MYO19: variants seen among roughly 807,000 people sequenced by gnomAD.
MYO19 encodes unconventional myosin-XIX.
MYO19 carries 132 observed loss-of-function variants against 129.2 expected under a neutral mutation model. That is an observed-to-expected ratio of 1.02 (90% CI 0.89 to 1.18). The LOEUF (loss-of-function observed/expected upper bound fraction) is 1.18. Ranked by LOEUF, MYO19 falls within the 50% of genes most tolerant of loss-of-function variation. The pLI, the probability that MYO19 is intolerant of heterozygous loss-of-function variation, is 0.00. For missense variants in MYO19, 1,210 were observed against 1,216.7 expected (o/e 0.99, Z 0.08); for synonymous variants, 531 against 477.2 (o/e 1.11, Z -1.47).
intron 12 of MYO19, 43 bp downstream of exon 12, chr17:36,511,322 C>A (rs1478429676): frequency 6.5e-7 from 1 of 1,547,488 alleles, no homozygotes; most frequent in African/African-American, 1.4e-5. Context: ...ATGCTGGCTA[C>A]CTTCCTGACA....
Position 36,505,350 on chromosome 17 carries a change from G to A in MYO19, c.1852C>T (p.Arg618Cys), listed in dbSNP as rs764201277. 69 of 1,614,108 alleles carry A rather than the reference G, an allele frequency of 4.3e-5. No individual in the cohort carries two copies. The highest frequency in any genetic ancestry group is 1.6e-4 in the Middle Eastern group (1 of 6,084). Residue 618 changes from arginine to cysteine, a missense_variant, in exon 19 of 26, where the codon CGC (arginine) becomes TGC (cysteine). Transcript: ENST00000614623. ...VLHSTTPHYI[R>C]CIKPNSQGQA... ...CCCTGGCTGTTGGGCTTGATGCAGCGAATGTAGTGGGGCGTGGTGCTGTGT... is the reference window on the plus strand; with the variant it reads ...CCCTGGCTGTTGGGCTTGATGCAGCAAATGTAGTGGGGCGTGGTGCTGTGT...
At position 36,527,657 on chromosome 17, in the gene MYO19, T is replaced by C. The variant is rs747607331; in HGVS notation, c.194A>G (p.Tyr65Cys). Residue 65 changes from tyrosine to cysteine, a missense_variant, in exon 5 of 26, where the codon TAC (tyrosine) becomes TGC (cysteine). Transcript: ENST00000614623. ...LQARYMADTF[Y>C]TNAGCTLVAL... The stretch of plus-strand genomic sequence containing the variant: ...TACCAGGGTGCAGCCAGCATTGGTG[T>C]AGAATGTGTCTGCCATGTACCGGGC... 5 of 1,613,806 alleles carry C rather than the reference T, an allele frequency of 3.1e-6. No homozygotes were observed. Among genetic ancestry groups the C allele is most frequent in the Non-Finnish European group, 4.2e-6 (5 of 1,179,860 alleles).
At chr17:36,528,266 T>C in intron 3 of MYO19, 64 bp from the exon 4 acceptor site, 2 of 1,508,718 alleles carry the variant, frequency 1.3e-6, no homozygotes, top group Non-Finnish European at 9.0e-7. Context: ...CCCAGCACTC[T>C]GGGAGGCCAA....
At chr17:36,537,155 C>A (rs529378174), upstream of MYO19, 5 of 1,612,970 alleles carry the variant, frequency 3.1e-6, no homozygotes, top group African/African-American at 6.7e-5. Context: ...ATGGAACCAC[C>A]GTGCTGGAAA....
At chr17:36,503,004 G>A in intron 21 of MYO19, 93 bp downstream of exon 21, 1 of 1,054,604 alleles carries the variant, frequency 9.5e-7, no homozygotes, top group Non-Finnish European at 1.4e-6. Flanking sequence ...TTATTCACCA[G>A]TAAGCCCCAG....
intron 7 of MYO19, among the ~76,000 whole-genome samples, chr17:36,515,597 G>A (rs936715448): frequency 6.6e-5 from 10 of 152,170 alleles, no homozygotes; most frequent in South Asian, 2.1e-4. Context: ...GAATTTGGAC[G>A]AGCTAAGCCA....
chr17:36,516,010 G>C lies in MYO19; in HGVS notation c.415-20C>G. 1 of 1,599,748 alleles carries C rather than the reference G, an allele frequency of 6.3e-7. No individual in the cohort carries two copies. The highest frequency in any genetic ancestry group is 1.1e-5 in the South Asian group (1 of 90,222). On this transcript the variant is annotated intron_variant, in intron 6 of 25. Coordinates refer to ENST00000614623, the MANE Select transcript of MYO19 (RefSeq NM_001163735.2). ...CCATGTCTGTGGCAGAAACAGCCCTGTGGGAGCTGTATCTATGCTCCCGCC... is the reference window on the plus strand; with the variant it reads ...CCATGTCTGTGGCAGAAACAGCCCTCTGGGAGCTGTATCTATGCTCCCGCC...
chr17:36,514,571 C>G, intron 8 of MYO19, 23 bp from the exon 9 acceptor site: 1 of 1,496,448 alleles, frequency 6.7e-7, no homozygotes, highest in Non-Finnish European at 9.3e-7. Context: ...CAGGCCAGAG[C>G]CCGTTAGTTG....
At chr17:36,507,271 T>C (rs8081787) in intron 16 of MYO19, 128 bp downstream of exon 16, 59,010 of 1,407,700 alleles carry the variant, frequency 0.042, 1,948 homozygotes, top group African/African-American at 0.16. Flanking sequence ...AGAAAAAATA[T>C]AGCAATTAGC....
chr17:36,500,718 T>C, intron 23 of MYO19, 112 bp downstream of exon 23: 1 of 1,414,336 alleles, frequency 7.1e-7, no homozygotes, highest in Non-Finnish European at 9.4e-7. Context: ...GGGACATCTC[T>C]TCAGGCTGGG....
intron 25 of MYO19, among the ~76,000 whole-genome samples, chr17:36,497,067 C>T (rs1166531985): frequency 1.3e-5 from 2 of 152,040 alleles, no homozygotes; most frequent in Admixed American, 6.6e-5. Context: ...CGGTGGCTCA[C>T]ACCTGTAATC....
At chr17:36,543,974 A>C (rs939225001), upstream of MYO19, among the ~76,000 whole-genome samples, 5 of 152,330 alleles carry the variant, frequency 3.3e-5, no homozygotes, top group East Asian at 7.7e-4. Context: ...ATAGAGCAGT[A>C]AATTGATCTG....
At chr17:36,505,877 G>T (rs1039945376) in intron 18 of MYO19, among the ~76,000 whole-genome samples, 23 of 152,296 alleles carry the variant, frequency 1.5e-4, no homozygotes, top group African/African-American at 5.3e-4. Context: ...TCGGGGGTGT[G>T]TTTGAGGCTG....
At chr17:36,539,206 C>T (rs1035464669), upstream of MYO19, 1 of 166,998 alleles carries the variant, frequency 6.0e-6, no homozygotes, top group African/African-American at 2.4e-5. Flanking sequence ...TTTTTACTTT[C>T]CATCTTAATG....
At chr17:36,517,872 T>A (rs1006007374) in intron 6 of MYO19, among the ~76,000 whole-genome samples, 2 of 151,846 alleles carry the variant, frequency 1.3e-5, no homozygotes, top group African/African-American at 4.8e-5. Flanking sequence ...GTGGATTGCC[T>A]GAGTTCAGCA....
In MYO19 at chr17:36,514,431, C is replaced by G. The variant is rs1297882828; in HGVS notation, c.720+15G>C. 6.4e-7 allele frequency: 1 copy of G among 1,571,214 alleles called. No individual in the cohort carries two copies. Among genetic ancestry groups the G allele is most frequent in the African/African-American group, 1.4e-5 (1 of 74,016 alleles). On this transcript the variant is annotated intron_variant, in intron 9 of 25. Coordinates refer to ENST00000614623, the MANE Select transcript of MYO19 (RefSeq NM_001163735.2). ...GTCTCGCATCTGGGGGGCTGTGGCC[C>G]CATTTGGCACAAACCTGATAGAAGA...
intron 15 of MYO19, 139 bp from the exon 16 acceptor site, chr17:36,507,651 GTACTCC>G: frequency 7.9e-7 from 1 of 1,258,270 alleles, no homozygotes; most frequent in Non-Finnish European, 1.1e-6. Flanking sequence ...ACATTACATT[GTACTCC>G]ATATGTGCAA....
At position 36,515,878 on chromosome 17, in the gene MYO19, T is replaced by C. The variant is rs2306595; in HGVS notation, c.527A>G (p.Asn176Ser). 0.054 allele frequency: 86,886 copies of C among 1,612,772 alleles called. 2,987 individuals are homozygous for C. The highest frequency in any genetic ancestry group is 0.16 in the East Asian group (7,087 of 44,836). ...CTCACCAAAAGCTTCCATGACAGGG[T>C]TGGAGTTCAGGATCCTCTGTTCTAT... ...ERIEQRILNS[N>S]PVMEAFGNAC... The change falls in exon 7 of 26, where the codon AAC (asparagine) becomes AGC (serine). Residue 176 changes from asparagine to serine, a missense_variant. Physicochemically the swap from Asn to Ser is conservative, Grantham distance 46. Transcript: ENST00000614623.
chr17:36,532,254 C>T (rs2073875689), intron 3 of MYO19, among the ~76,000 whole-genome samples: 1 of 152,188 alleles, frequency 6.6e-6, no homozygotes, highest in Non-Finnish European at 1.5e-5. Flanking sequence ...AGGGACATCT[C>T]TCAGGACTTC....
Sources: allele counts gnomAD v4.1 joint callset (sites outside exome capture counted in the v4.1 genomes callset), GRCh38; gene constraint gnomAD v4.1.1; transcripts MANE v1.5; gene names NCBI Gene and HGNC (gene_info 2026-07-23, HGNC 2026-07-21).